Variants in CCDC172 observed in about 807,000 individuals in gnomAD.
CCDC172 encodes coiled-coil domain-containing protein 172.
A neutral mutation model predicts 38.0 loss-of-function variants in CCDC172; 30 were observed. The ratio of observed to expected loss-of-function variants is 0.79; its 90% confidence interval spans 0.59 to 1.07. The LOEUF (loss-of-function observed/expected upper bound fraction) is 1.07. CCDC172 is among the 50% of genes least tolerant of loss of function. CCDC172 has a pLI of 0.00. For missense variants in CCDC172, 297 were observed against 290.1 expected, an observed-to-expected ratio of 1.02 and a Z score of -0.17; for synonymous variants, 78 against 88.3, an observed-to-expected ratio of 0.88 and a Z score of 0.66.
At chr10:116,361,376 A>G (rs907438397) in intron 7 of CCDC172, among the ~76,000 whole-genome samples, 2 of 152,212 alleles carry the variant, frequency 1.3e-5, no homozygotes, top group African/African-American at 4.8e-5. Context: ...ATAACATAAC[A>G]GACAATTTTA....
intron 7 of CCDC172, among the ~76,000 whole-genome samples, chr10:116,373,670 A>G (rs535350953): frequency 2.0e-5 from 3 of 151,880 alleles, no homozygotes; most frequent in Non-Finnish European, 4.4e-5. Context: ...ACACCTGGCT[A>G]ATTTTTGTAT....
chr10:116,329,628 G>T (rs1407348993), intron 3 of CCDC172, among the ~76,000 whole-genome samples: 1 of 152,100 alleles, frequency 6.6e-6, no homozygotes, highest in Non-Finnish European at 1.5e-5. Context: ...CTTTCAGGGA[G>T]TTTGTAAGGT....
intron 7 of CCDC172, among the ~76,000 whole-genome samples, chr10:116,376,290 A>G (rs1211732551): frequency 1.4e-5 from 2 of 143,248 alleles, no homozygotes; most frequent in Non-Finnish European, 3.1e-5. Context: ...GGGCTCAACA[A>G]AAGTTCAAAT....
Position 116,339,723 on chromosome 10 carries a change from G to C in CCDC172, c.166-1011G>C, listed in dbSNP as rs368549406. On this transcript the variant is annotated intron_variant, in intron 3 of 8. Transcript: ENST00000333254. ...TGAAAATTTGAGCAACTTTTTTAAT[G>C]TCAATATTTCTAGGACATTTTAGCC... Among the ~76,000 whole-genome samples, 120 of 151,908 alleles carry C rather than the reference G, an allele frequency of 7.9e-4. No individual in the cohort carries two copies. In the South Asian group the frequency reaches 0.024, roughly 30 times the overall value.
intron 3 of CCDC172, among the ~76,000 whole-genome samples, chr10:116,336,458 A>G (rs1341238493): frequency 6.6e-6 from 1 of 151,580 alleles, no homozygotes; most frequent in Admixed American, 6.6e-5. Flanking sequence ...TAACTATATT[A>G]GGATTATTAT....
rs77733004 is a variant in CCDC172, at chr10:116,341,913, A to T, written c.283-123A>T. 0.064 allele frequency: 42,359 copies of T among 666,226 alleles called. 2,155 individuals carry two copies. The highest frequency in any genetic ancestry group is 0.24 in the East Asian group (5,074 of 21,546). 41.3% of individuals were successfully genotyped at this position (666,226 alleles called of 1,614,324 possible). A position where few individuals can be genotyped will look rare whatever the true frequency, so the allele number is the denominator to read the frequency against. ...TGAGAAAAAAACATTTTTGCCATAA[A>T]ACCAGGAAGTGTAACTATATACTTT... is the stretch of plus-strand genomic sequence containing the variant. On this transcript the variant is annotated intron_variant, in intron 4 of 8. Transcript: ENST00000333254.
chr10:116,373,234 C>T (rs950043569), intron 7 of CCDC172, among the ~76,000 whole-genome samples: 1 of 151,360 alleles, frequency 6.6e-6, no homozygotes, highest in Non-Finnish European at 1.5e-5. Context: ...ATAGAGAGAC[C>T]CCATCTCTAA....
intron 3 of CCDC172, among the ~76,000 whole-genome samples, chr10:116,330,685 T>C (rs560290138): frequency 6.6e-6 from 1 of 152,274 alleles, no homozygotes; most frequent in East Asian, 1.9e-4. Flanking sequence ...AAAGATTGAG[T>C]AGAAGCAGAT....
chr10:116,343,907 G>T (rs1239399740), intron 5 of CCDC172, among the ~76,000 whole-genome samples: 1 of 152,070 alleles, frequency 6.6e-6, no homozygotes, highest in Non-Finnish European at 1.5e-5. Context: ...TCACATGCTA[G>T]ATTTAGTCTT....
At chr10:116,372,801 T>G (rs536704613) in intron 7 of CCDC172, among the ~76,000 whole-genome samples, 23 of 152,152 alleles carry the variant, frequency 1.5e-4, no homozygotes, top group African/African-American at 5.3e-4. Flanking sequence ...CACAAAGACA[T>G]TATATACAAA....
At chr10:116,351,172 A>G (rs1844926465) in intron 5 of CCDC172, among the ~76,000 whole-genome samples, 1 of 152,134 alleles carries the variant, frequency 6.6e-6, no homozygotes, top group Non-Finnish European at 1.5e-5. Flanking sequence ...CTTGTGATAG[A>G]ATGTCTGATA....
intron 7 of CCDC172, among the ~76,000 whole-genome samples, chr10:116,375,050 C>T (rs1160095484): frequency 6.6e-6 from 1 of 152,026 alleles, no homozygotes; most frequent in Non-Finnish European, 1.5e-5. Context: ...TTGTATTTCC[C>T]TGATTCAGAA....
At chr10:116,334,712 C>G (rs1844708758) in intron 3 of CCDC172, among the ~76,000 whole-genome samples, 1 of 151,776 alleles carries the variant, frequency 6.6e-6, no homozygotes. Context: ...TGCACTTATC[C>G]TAGCTTTTTA....
At chr10:116,361,862 A>T (rs560556223) in intron 7 of CCDC172, among the ~76,000 whole-genome samples, 1 of 152,282 alleles carries the variant, frequency 6.6e-6, no homozygotes, top group East Asian at 1.9e-4. Flanking sequence ...ATAAATAAAT[A>T]TGTATATTTT....
intron 3 of CCDC172, among the ~76,000 whole-genome samples, chr10:116,331,921 T>A (rs1046962543): frequency 2.6e-5 from 4 of 152,120 alleles, no homozygotes; most frequent in Non-Finnish European, 5.9e-5. Flanking sequence ...ATTCTCAGGA[T>A]ATGACTCGTT....
chr10:116,329,607 T>C (rs1371168673), intron 3 of CCDC172, among the ~76,000 whole-genome samples: 1 of 152,060 alleles, frequency 6.6e-6, no homozygotes, highest in East Asian at 1.9e-4. Flanking sequence ...TTCAAAGGGG[T>C]CCCCAAGACA....
In CCDC172 at chr10:116,325,376, G is replaced by T; in HGVS notation, c.153G>T (p.Lys51Asn). ...ATEELNEEKI[K>N]LESKVQQFFE... is the part of the protein sequence containing the mutation. The stretch of plus-strand genomic sequence containing the variant: ...AGGAGCTGAATGAAGAGAAAATCAA[G>T]CTGGAATCTAAGGTATTGAAATGTA... Residue 51 changes from lysine to asparagine, a missense_variant, in exon 3 of 9, where the codon AAG (lysine) becomes AAT (asparagine). Transcript: ENST00000333254. 6.2e-7 allele frequency: 1 copy of T among 1,613,282 alleles called. No individual in the cohort carries two copies. Among genetic ancestry groups the T allele is most frequent in the African/African-American group, 1.3e-5 (1 of 75,002 alleles).
chr10:116,364,437 C>T (rs1845099462), intron 7 of CCDC172, among the ~76,000 whole-genome samples: 1 of 151,844 alleles, frequency 6.6e-6, no homozygotes, highest in Admixed American at 6.6e-5. Context: ...CCCAATAATT[C>T]CATTTATGAG....
At chr10:116,350,137 G>C (rs1844913644) in intron 5 of CCDC172, among the ~76,000 whole-genome samples, 1 of 152,170 alleles carries the variant, frequency 6.6e-6, no homozygotes, top group Non-Finnish European at 1.5e-5. Context: ...AAACCTTGTG[G>C]GTCATTCTAA....
Sources: allele counts gnomAD v4.1 joint callset (sites outside exome capture counted in the v4.1 genomes callset), GRCh38; gene constraint gnomAD v4.1.1; transcripts MANE v1.5; gene names NCBI Gene and HGNC (gene_info 2026-07-23, HGNC 2026-07-21).